Variants in INO80 observed in about 807,000 individuals in gnomAD.
The protein encoded by INO80 is INO80 complex ATPase subunit.
INO80 carries 20 observed loss-of-function variants against 203.4 expected under a neutral mutation model. The ratio of observed to expected loss-of-function variants is 0.10; its 90% CI spans 0.07 to 0.14. The LOEUF is 0.14. Ranked by LOEUF, INO80 falls within the 10% of genes least tolerant of loss-of-function variation. The pLI is 1.00. For missense variants in INO80, 1,419 were observed against 1,914.4 expected, an observed-to-expected ratio of 0.74 and a Z score of 4.83; for synonymous variants, 726 against 685.2, an observed-to-expected ratio of 1.06 and a Z score of -0.93.
At chr15:41,068,675 T>C (rs1383465230) in intron 14 of INO80, among the ~76,000 whole-genome samples, 1 of 151,640 alleles carries the variant, frequency 6.6e-6, no homozygotes, top group East Asian at 1.9e-4. Flanking sequence ...CTGGACAACA[T>C]GGTGAAACCC....
chr15:40,994,158 G>C (rs921015160), intron 29 of INO80, among the ~76,000 whole-genome samples: 13 of 152,052 alleles, frequency 8.5e-5, no homozygotes, highest in African/African-American at 2.9e-4. Flanking sequence ...TCTCACCTTA[G>C]GGCTTTGCAC....
chr15:41,088,664 G>A (rs1485789811), intron 5 of INO80, among the ~76,000 whole-genome samples: 1 of 152,092 alleles, frequency 6.6e-6, no homozygotes, highest in Non-Finnish European at 1.5e-5. Context: ...TATTACTAAT[G>A]CATAAATATA....
chr15:41,096,203 T>C lies in INO80; in HGVS notation c.108A>G (p.Arg36=). 6.2e-7 allele frequency: 1 copy of C among 1,612,778 alleles called. No homozygotes were observed. Among genetic ancestry groups the C allele is most frequent in the Non-Finnish European group, 8.5e-7 (1 of 1,179,716 alleles). ...ERALRLDHFL[R]QTSAIFNRNI... The stretch of plus-strand genomic sequence containing the variant: ...TCCTATTGAAGATAGCTGACGTTTG[T>C]CGCAGAAAATGGTCCAACCGGAGGG... The change falls in exon 2 of 36, where the codon CGA becomes CGG. Residue 36 remains arginine, a synonymous_variant. Coordinates refer to ENST00000648947, the MANE Select transcript of INO80 (RefSeq NM_017553.3).
intron 5 of INO80, among the ~76,000 whole-genome samples, chr15:41,091,039 C>T (rs1378783521): frequency 6.6e-6 from 1 of 151,852 alleles, no homozygotes; most frequent in East Asian, 1.9e-4. Flanking sequence ...ATTCTCCTGC[C>T]TCAGCCTCCT....
At chr15:40,987,338 G>T in intron 30 of INO80, 145 bp from the exon 31 acceptor site, 1 of 570,934 alleles carries the variant, frequency 1.8e-6, no homozygotes, top group Non-Finnish European at 3.1e-6. Flanking sequence ...TTTCATTTCA[G>T]TTCATCTGAT....
At chr15:40,981,522 G>C (rs947961880) in intron 35 of INO80, among the ~76,000 whole-genome samples, 1 of 151,952 alleles carries the variant, frequency 6.6e-6, no homozygotes, top group African/African-American at 2.4e-5. Flanking sequence ...AATGAAAGCT[G>C]AGATTTCTGC....
At chr15:41,043,933 A>G (rs1169007917) in intron 24 of INO80, among the ~76,000 whole-genome samples, 1 of 152,188 alleles carries the variant, frequency 6.6e-6, no homozygotes, top group Non-Finnish European at 1.5e-5. Context: ...TTTCATGGAA[A>G]TATAATTCAA....
At chr15:41,013,927 CTTG>C (rs2044166757) in intron 27 of INO80, among the ~76,000 whole-genome samples, 1 of 152,142 alleles carries the variant, frequency 6.6e-6, no homozygotes. Context: ...TCTCAAGCTG[CTTG>C]TTTGCAAAAC....
chr15:40,998,577 C>G (rs1361051141), intron 28 of INO80, among the ~76,000 whole-genome samples: 1 of 152,128 alleles, frequency 6.6e-6, no homozygotes, highest in Non-Finnish European at 1.5e-5. Flanking sequence ...ATAGGTACCA[C>G]TGTCACTCAC....
At chr15:41,114,161 G>A (rs1365041987) in intron 1 of INO80, among the ~76,000 whole-genome samples, 1 of 151,848 alleles carries the variant, frequency 6.6e-6, no homozygotes, top group African/African-American at 2.4e-5. Flanking sequence ...CAGCTACTCA[G>A]GAGGCTGAGG....
chr15:41,028,302 A>C (rs1289500425), intron 24 of INO80, among the ~76,000 whole-genome samples: 12 of 152,112 alleles, frequency 7.9e-5, no homozygotes, highest in East Asian at 1.9e-4. Flanking sequence ...CACCTGGCAA[A>C]TTGTTGCATT....
At chr15:41,098,566 C>T (rs1054365614) in intron 1 of INO80, among the ~76,000 whole-genome samples, 17 of 151,728 alleles carry the variant, frequency 1.1e-4, no homozygotes, top group African/African-American at 3.6e-4. Context: ...ACAAACTATT[C>T]GGGAGGCTGA....
intron 29 of INO80, 121 bp downstream of exon 29, chr15:40,997,408 T>A: frequency 3.0e-6 from 2 of 662,030 alleles, no homozygotes; most frequent in Non-Finnish European, 5.4e-6. Context: ...AATAAAAAGT[T>A]TGCAAGTTTG....
intron 24 of INO80, among the ~76,000 whole-genome samples, chr15:41,038,593 T>C (rs1159106047): frequency 6.6e-6 from 1 of 152,218 alleles, no homozygotes; most frequent in African/African-American, 2.4e-5. Flanking sequence ...GGATCCTCTC[T>C]TGAACTCTGG....
intron 7 of INO80, 44 bp downstream of exon 7, chr15:41,085,325 G>A: frequency 6.5e-7 from 1 of 1,544,820 alleles, no homozygotes; most frequent in Non-Finnish European, 8.9e-7. Flanking sequence ...GGTGGGGAGA[G>A]AAAACATTCT....
intron 35 of INO80, among the ~76,000 whole-genome samples, chr15:40,982,303 C>A (rs527882804): frequency 1.3e-5 from 2 of 152,132 alleles, no homozygotes; most frequent in East Asian, 3.9e-4. Context: ...TGAGCCACCA[C>A]GCCCATCTAA....
At chr15:41,066,846 CA>C (rs58118605) in intron 14 of INO80, among the ~76,000 whole-genome samples, 11,907 of 70,508 alleles carry the variant, frequency 0.17, 1,493 homozygotes, top group African/African-American at 0.44. Context: ...AAAAAAAAAG[CA>C]AAAAAAAAAA....
chr15:40,989,430 T>A (rs2043787852), intron 29 of INO80, among the ~76,000 whole-genome samples: 1 of 152,180 alleles, frequency 6.6e-6, no homozygotes, highest in South Asian at 2.1e-4. Flanking sequence ...GGCGGACCAG[T>A]TCAAAATGGC....
intron 28 of INO80, chr15:40,999,193 T>G (rs1024562230): frequency 2.0e-5 from 3 of 152,230 alleles, no homozygotes; most frequent in African/African-American, 7.2e-5. Context: ...TTTTATTTTG[T>G]GGATTCCAGT....
Sources: allele counts gnomAD v4.1 joint callset (sites outside exome capture counted in the v4.1 genomes callset), GRCh38; gene constraint gnomAD v4.1.1; transcripts MANE v1.5; gene names NCBI Gene and HGNC (gene_info 2026-07-23, HGNC 2026-07-21).